Variants in CCDC7 observed in about 807,000 individuals in gnomAD.
The protein encoded by CCDC7 is coiled-coil domain containing 7.
CCDC7 carries 183 observed loss-of-function variants against 196.9 expected under a neutral mutation model. The ratio of observed to expected loss-of-function variants is 0.93; its 90% CI spans 0.82 to 1.05. The LOEUF (loss-of-function observed/expected upper bound fraction) is 1.05. Ranked by LOEUF, CCDC7 falls within the 50% of genes least tolerant of loss-of-function variation. The pLI is 0.00. For missense variants in CCDC7, 1,540 were observed against 1,482.2 expected (o/e 1.04, Z -0.64); for synonymous variants, 525 against 484.6 (o/e 1.08, Z -1.10).
intron 3 of CCDC7, among the ~76,000 whole-genome samples, chr10:32,461,729 A>G (rs1323783018): frequency 0.045 from 3,860 of 85,162 alleles, 165 homozygotes; most frequent in African/African-American, 0.14. Context: ...ATATATATAT[A>G]TGTATATATA....
intron 29 of CCDC7, among the ~76,000 whole-genome samples, chr10:32,790,219 C>A (rs2134600267): frequency 6.6e-6 from 1 of 152,346 alleles, no homozygotes; most frequent in African/African-American, 2.4e-5. Context: ...CCACGGCCCG[C>A]TCAGCATTGT....
intron 24 of CCDC7, among the ~76,000 whole-genome samples, chr10:32,701,088 C>G (rs773192540): frequency 6.6e-6 from 1 of 152,164 alleles, no homozygotes; most frequent in East Asian, 1.9e-4. Context: ...ACTTCCAACA[C>G]TATGTTGGAT....
intron 28 of CCDC7, among the ~76,000 whole-genome samples, chr10:32,770,385 A>T (rs1340302976): frequency 1.3e-5 from 2 of 152,222 alleles, no homozygotes; most frequent in East Asian, 3.8e-4. Context: ...AATATCATTC[A>T]GGAGCATGTT....
chr10:32,529,113 C>T (rs2049219707), intron 11 of CCDC7, among the ~76,000 whole-genome samples: 1 of 152,074 alleles, frequency 6.6e-6, no homozygotes, highest in Admixed American at 6.6e-5. Flanking sequence ...CCTCTGCCTC[C>T]TGGGTTCAAA....
At chr10:32,574,257 C>G (rs1263965597) in intron 16 of CCDC7, among the ~76,000 whole-genome samples, 1 of 149,896 alleles carries the variant, frequency 6.7e-6, no homozygotes, top group African/African-American at 2.4e-5. Context: ...GTTGTTTCAG[C>G]TTGATAGGTT....
At chr10:32,630,402 A>G (rs995233519) in intron 18 of CCDC7, among the ~76,000 whole-genome samples, 1 of 152,106 alleles carries the variant, frequency 6.6e-6, no homozygotes, top group Admixed American at 6.5e-5. Flanking sequence ...CTTGGGAAGA[A>G]GCTTGTAATA....
rs143359240 is a variant in CCDC7 at position 32,472,494 on chromosome 10, C to T, written c.691C>T (p.Arg231Ter). The T allele has an allele frequency of 8.2e-5, 130 of 1,582,806 alleles. No homozygotes were observed. In the East Asian group the frequency reaches 2.7e-3, roughly 33 times the overall value. ...GAACTTTAACAGGGATAAAGAAAAT[C>T]GACCAGAAGCAGTGAAAAGTTGTGA... is the stretch of plus-strand genomic sequence containing the variant. The change falls in exon 7 of 42, where the codon CGA (arginine) becomes TGA (stop). Residue 231 changes from arginine to a stop codon, truncating the protein, a stop_gained. Coordinates refer to ENST00000639629, the Ensembl canonical transcript of CCDC7. LOFTEE classifies it high-confidence loss of function.
At chr10:32,850,514 A>G (rs932132408) in intron 39 of CCDC7, among the ~76,000 whole-genome samples, 1 of 152,160 alleles carries the variant, frequency 6.6e-6, no homozygotes, top group Non-Finnish European at 1.5e-5. Flanking sequence ...ATGGAAGAAC[A>G]TCAATACAAG....
intron 30 of CCDC7, among the ~76,000 whole-genome samples, chr10:32,806,415 C>T (rs1339442986): frequency 6.6e-6 from 1 of 152,076 alleles, no homozygotes; most frequent in Non-Finnish European, 1.5e-5. Flanking sequence ...AGCTGTTAGA[C>T]TTAGCAGACA....
chr10:32,448,128 T>C (rs1304627709), upstream of CCDC7, among the ~76,000 whole-genome samples: 1 of 152,182 alleles, frequency 6.6e-6, no homozygotes, highest in African/African-American at 2.4e-5. Context: ...CTATAGTGTT[T>C]CATCGAAACA....
intron 29 of CCDC7, among the ~76,000 whole-genome samples, chr10:32,797,645 C>A (rs2134884017): frequency 6.6e-6 from 1 of 151,750 alleles, no homozygotes; most frequent in African/African-American, 2.4e-5. Context: ...ACCTGTTCCC[C>A]AATGATTATG....
At chr10:32,532,404 A>G (rs1022974677) in intron 11 of CCDC7, among the ~76,000 whole-genome samples, 1 of 152,082 alleles carries the variant, frequency 6.6e-6, no homozygotes, top group Non-Finnish European at 1.5e-5. Context: ...ATTATACTTG[A>G]TATGATTTCT....
intron 41 of CCDC7, among the ~76,000 whole-genome samples, chr10:32,855,764 C>A (rs568730186): frequency 6.6e-5 from 10 of 152,028 alleles, no homozygotes; most frequent in African/African-American, 2.4e-4. Flanking sequence ...ATAAGGGACC[C>A]GATAGTCAAA....
intron 21 of CCDC7, among the ~76,000 whole-genome samples, chr10:32,681,738 TACACACACACACACACACACAC>T (rs57829018): frequency 4.4e-5 from 6 of 137,630 alleles, no homozygotes; most frequent in Non-Finnish European, 6.2e-5. Context: ...TTTATATGTA[TACACACACACACACACACACAC>T]ACACACACAC....
In CCDC7 at chr10:32,623,917, G is replaced by A; in HGVS notation, c.1802-10337G>A. On this transcript the variant is annotated intron_variant, in intron 18 of 41. Transcript: ENST00000639629. ...AGAACTCACTTCTTCCCAAGGGGAT[G>A]GTGCTAAACTGTTCATGAGGGATCC... 1.6e-5 allele frequency: 6 copies of A among 373,860 alleles called. No individual in the cohort carries two copies. The Admixed American group carries it at 2.0e-4, about 12-fold the overall frequency. The allele number at this position is 373,860 out of a possible 1,614,324, so 23.2% of individuals were successfully genotyped here.
chr10:32,449,312 G>A (rs1324957350), upstream of CCDC7, among the ~76,000 whole-genome samples: 2 of 151,874 alleles, frequency 1.3e-5, no homozygotes, highest in African/African-American at 4.8e-5. Context: ...TCAGCCTCCC[G>A]AGTAGCTGAG....
chr10:32,668,993 C>G (rs2073458581), intron 21 of CCDC7, among the ~76,000 whole-genome samples: 1 of 152,082 alleles, frequency 6.6e-6, no homozygotes, highest in Non-Finnish European at 1.5e-5. Context: ...AAGAAACGCT[C>G]TCAACTTACT....
intron 31 of CCDC7, among the ~76,000 whole-genome samples, chr10:32,820,786 G>C (rs1342195512): frequency 3.3e-5 from 5 of 152,178 alleles, no homozygotes; most frequent in African/African-American, 7.2e-5. Flanking sequence ...AAACTAGATA[G>C]CTTCCTTACA....
At chr10:32,514,783 A>G (rs1176818266) in intron 9 of CCDC7, among the ~76,000 whole-genome samples, 1 of 152,184 alleles carries the variant, frequency 6.6e-6, no homozygotes, top group Non-Finnish European at 1.5e-5. Flanking sequence ...ACCTACAGAA[A>G]TGGATAGATA....
Sources: gnomAD v4.1 joint callset for allele counts (sites outside exome capture counted in the v4.1 genomes callset) on GRCh38, gnomAD v4.1.1 for gene constraint, MANE v1.5 for transcripts, NCBI Gene and HGNC (gene_info 2026-07-23, HGNC 2026-07-21) for gene names.